UBR3: variants seen among roughly 807,000 people sequenced by gnomAD.
The protein encoded by UBR3 is E3 ubiquitin-protein ligase UBR3.
A neutral mutation model predicts 243.2 loss-of-function variants in UBR3; 85 were observed. The observed-to-expected ratio is 0.35, with a 90% CI of 0.29 to 0.42. The LOEUF is 0.42. Ranked by LOEUF, UBR3 falls within the 10% of genes least tolerant of loss-of-function variation. The pLI is 1.00. For missense variants in UBR3, 1,686 were observed against 2,300.8 expected (o/e 0.73, Z 5.47); for synonymous variants, 748 against 799.8 (o/e 0.94, Z 1.09).
At chr2:169,918,911 T>C (rs1037079431) in intron 11 of UBR3, among the ~76,000 whole-genome samples, 1 of 152,118 alleles carries the variant, frequency 6.6e-6, no homozygotes, top group Admixed American at 6.5e-5. Flanking sequence ...AAAACAAGTA[T>C]ATGGTTAATT....
At chr2:169,942,393 A>G in intron 19 of UBR3, 100 bp from the exon 20 acceptor site, 2 of 1,227,206 alleles carry the variant, frequency 1.6e-6, no homozygotes, top group East Asian at 2.6e-5. Context: ...ATAGCACTGC[A>G]TAAAATATTG....
intron 32 of UBR3, among the ~76,000 whole-genome samples, chr2:170,054,285 T>TC (rs2091285380): frequency 6.9e-6 from 1 of 143,918 alleles, no homozygotes. Context: ...ACACCCAGCT[T>TC]TTTTTTTTTT....
intron 1 of UBR3, among the ~76,000 whole-genome samples, chr2:169,829,850 C>T (rs1009219625): frequency 2.9e-5 from 4 of 139,418 alleles, no homozygotes; most frequent in African/African-American, 5.0e-5. Flanking sequence ...CACACACACA[C>T]ACACGGAAGT....
Position 169,872,220 on chromosome 2 carries a change from CT to C in UBR3, c.546-11del. 6.8e-7 allele frequency: 1 copy of C among 1,475,136 alleles called. No homozygotes were observed. Among genetic ancestry groups the C allele is most frequent in the Non-Finnish European group, 9.0e-7 (1 of 1,107,164 alleles). The allele number at this position is 1,475,136 out of a possible 1,614,324, so 91.4% of individuals were successfully genotyped here. A position where few individuals can be genotyped will look rare whatever the true frequency, so the allele number is the denominator to read the frequency against. On this transcript the variant is annotated splice_polypyrimidine_tract_variant and intron_variant, in intron 1 of 38. Transcript: ENST00000272793. The stretch of plus-strand genomic sequence containing the variant: ...ATTAGACATTACTGTTAATTTTTTT[CT>C]TTTTCATATTACAGGTTTTGCAAAA...
rs13432117 is a variant in UBR3 at position 170,064,011 on chromosome 2, A to C, written c.5019+2568A>C. 4.1e-3 allele frequency among the ~76,000 whole-genome samples: 629 copies of C among 152,296 alleles called. 2 individuals are homozygous for C. The highest frequency in any genetic ancestry group is 0.015 in the African/African-American group (608 of 41,570). On this transcript the variant is annotated intron_variant, in intron 35 of 38. Transcript: ENST00000272793. Reference sequence around the variant, plus strand: ...TGTTTTCCCCCATATACTTGCCAGCAGTTCTTCTTAGCCAGTGTGTAATGT... The same window carrying C: ...TGTTTTCCCCCATATACTTGCCAGCCGTTCTTCTTAGCCAGTGTGTAATGT...
At position 170,003,867 on chromosome 2, in the gene UBR3, C is replaced by G. The variant is rs532230327; in HGVS notation, c.4029+2453C>G. On this transcript the variant is annotated intron_variant, in intron 27 of 38. Transcript: ENST00000272793. ...ATGTTAGCCAGGATGGTCTCGATCT[C>G]CTGACCTCGTGATCCATCCGCCTCA... 2.0e-5 allele frequency among the ~76,000 whole-genome samples: 3 copies of G among 152,262 alleles called. No homozygotes were observed. In the South Asian group the frequency reaches 6.2e-4, roughly 32 times the overall value.
chr2:169,842,441 T>G (rs529054413), intron 1 of UBR3, among the ~76,000 whole-genome samples: 1 of 152,130 alleles, frequency 6.6e-6, no homozygotes, highest in East Asian at 1.9e-4. Context: ...CTAGCCAGCA[T>G]TGGCAACCCT....
intron 31 of UBR3, among the ~76,000 whole-genome samples, chr2:170,040,558 A>G (rs571810281): frequency 6.6e-6 from 1 of 152,174 alleles, no homozygotes; most frequent in Non-Finnish European, 1.5e-5. Flanking sequence ...TTGTAGTGAA[A>G]CTAATTCTTT....
chr2:170,039,767 G>A (rs960401794), intron 31 of UBR3, among the ~76,000 whole-genome samples: 1 of 152,080 alleles, frequency 6.6e-6, no homozygotes, highest in African/African-American at 2.4e-5. Context: ...TAAACATGTA[G>A]TCAAAAAATT....
At chr2:169,878,190 C>T (rs534241937) in intron 4 of UBR3, among the ~76,000 whole-genome samples, 6 of 152,184 alleles carry the variant, frequency 3.9e-5, no homozygotes, top group South Asian at 4.1e-4. Flanking sequence ...GGTGAAACCT[C>T]GTCTTTACTA....
intron 1 of UBR3, among the ~76,000 whole-genome samples, chr2:169,848,233 G>A (rs2082547098): frequency 6.6e-6 from 1 of 151,674 alleles, no homozygotes; most frequent in African/African-American, 2.4e-5. Flanking sequence ...TTGGATGAAG[G>A]GGTTAACCCA....
intron 30 of UBR3, among the ~76,000 whole-genome samples, chr2:170,017,546 G>GACACAC (rs34813217): frequency 2.6e-4 from 33 of 125,810 alleles, no homozygotes; most frequent in African/African-American, 9.2e-4. Flanking sequence ...CACACACACA[G>GACACAC]ACACACACAC....
At chr2:169,950,108 A>C in intron 23 of UBR3, 43 bp downstream of exon 23, 1 of 1,492,622 alleles carries the variant, frequency 6.7e-7, no homozygotes, top group Non-Finnish European at 9.0e-7. Flanking sequence ...TATAGTTGAA[A>C]ATTTGATATT....
At chr2:170,025,733 A>T (rs2090511448) in intron 30 of UBR3, among the ~76,000 whole-genome samples, 1 of 152,174 alleles carries the variant, frequency 6.6e-6, no homozygotes, top group South Asian at 2.1e-4. Flanking sequence ...AGGATGGATC[A>T]TAAGAGGCAG....
intron 8 of UBR3, among the ~76,000 whole-genome samples, chr2:169,904,246 G>T (rs2084932231): frequency 6.6e-6 from 1 of 151,932 alleles, no homozygotes; most frequent in Non-Finnish European, 1.5e-5. Flanking sequence ...GATCTAAATT[G>T]TGTAATTATG....
At chr2:169,971,993 G>T (rs2088174800) in intron 24 of UBR3, among the ~76,000 whole-genome samples, 2 of 151,956 alleles carry the variant, frequency 1.3e-5, no homozygotes, top group African/African-American at 4.8e-5. Context: ...TTTTTGAAAG[G>T]ATCAACAAAA....
chr2:169,994,660 T>C (rs533926820), intron 26 of UBR3, among the ~76,000 whole-genome samples: 5 of 152,362 alleles, frequency 3.3e-5, no homozygotes, highest in Admixed American at 1.3e-4. Context: ...GTTTTAAATG[T>C]TGTTTGTTGT....
intron 1 of UBR3, among the ~76,000 whole-genome samples, chr2:169,853,717 T>A (rs998892864): frequency 2.2e-4 from 34 of 152,126 alleles, no homozygotes; most frequent in African/African-American, 8.2e-4. Context: ...CCCAAAGTGC[T>A]GGGATTATAG....
At chr2:169,885,310 A>C (rs1258788742) in intron 5 of UBR3, among the ~76,000 whole-genome samples, 3 of 152,184 alleles carry the variant, frequency 2.0e-5, no homozygotes, top group African/African-American at 7.2e-5. Context: ...GGCTGGGCGC[A>C]GTAGCTCATG....
Sources: allele counts gnomAD v4.1 joint callset (sites outside exome capture counted in the v4.1 genomes callset), GRCh38; gene constraint gnomAD v4.1.1; transcripts MANE v1.5; gene names NCBI Gene and HGNC (gene_info 2026-07-23, HGNC 2026-07-21).